AATF: variants seen among roughly 807,000 people sequenced by gnomAD.
The protein encoded by AATF is apoptosis antagonizing transcription factor, also known as protein AATF.
Under a neutral mutation model 63.7 loss-of-function variants are expected in AATF, and 48 were observed. That is an observed-to-expected ratio of 0.75 (90% CI 0.60 to 0.96). The LOEUF is 0.96. Ranked by LOEUF, AATF falls within the 40% of genes least tolerant of loss-of-function variation. The probability of loss-of-function intolerance (pLI) is 0.00; values close to 1 mark genes in which losing one functional copy is unlikely to be tolerated. For synonymous variants in AATF, 258 were observed against 247.7 expected (o/e 1.04, Z -0.39); for missense variants, 639 against 685.7 (o/e 0.93, Z 0.76).
chr17:36,981,715 T>C (rs1231284632), intron 4 of AATF, among the ~76,000 whole-genome samples: 1 of 148,868 alleles, frequency 6.7e-6, no homozygotes, highest in Non-Finnish European at 1.5e-5. Context: ...TTTTTTTTTT[T>C]TTTTGACAGT....
chr17:36,994,406 T>C (rs1463082328), intron 8 of AATF, among the ~76,000 whole-genome samples: 1 of 152,232 alleles, frequency 6.6e-6, no homozygotes, highest in Non-Finnish European at 1.5e-5. Flanking sequence ...ACTTAAACAA[T>C]TCTAATGAAA....
At chr17:36,996,068 A>G (rs898291423) in intron 8 of AATF, among the ~76,000 whole-genome samples, 1 of 152,232 alleles carries the variant, frequency 6.6e-6, no homozygotes, top group Non-Finnish European at 1.5e-5. Flanking sequence ...GTTTCTTAAA[A>G]GTTTGATGAA....
At chr17:36,963,862 C>T (rs888283679) in intron 4 of AATF, among the ~76,000 whole-genome samples, 3 of 152,064 alleles carry the variant, frequency 2.0e-5, no homozygotes, top group Admixed American at 6.6e-5. Flanking sequence ...GGCTTACAGG[C>T]TTGACTGGAA....
At chr17:37,002,810 C>T (rs775801991) in intron 8 of AATF, among the ~76,000 whole-genome samples, 3 of 151,768 alleles carry the variant, frequency 2.0e-5, no homozygotes, top group Non-Finnish European at 4.4e-5. Context: ...TGTCCCATGT[C>T]CATGGATTAG....
At chr17:37,045,420 C>G (rs1207662883) in intron 11 of AATF, 1 of 152,292 alleles carries the variant, frequency 6.6e-6, no homozygotes, top group Admixed American at 6.5e-5. Context: ...AGTAGCTGAC[C>G]TGCAGCAGCA....
At chr17:37,024,941 A>G (rs2071500022) in intron 10 of AATF, among the ~76,000 whole-genome samples, 1 of 152,154 alleles carries the variant, frequency 6.6e-6, no homozygotes, top group African/African-American at 2.4e-5. Context: ...CCTGAGTCAC[A>G]GAGCGAGACC....
At chr17:37,052,082 A>G (rs1331851743) in intron 11 of AATF, among the ~76,000 whole-genome samples, 1 of 152,140 alleles carries the variant, frequency 6.6e-6, no homozygotes, top group African/African-American at 2.4e-5. Context: ...CATTGTCTAC[A>G]GTGGACACTC....
intron 11 of AATF, among the ~76,000 whole-genome samples, chr17:37,042,737 CTTT>C (rs556843023): frequency 7.3e-6 from 1 of 137,370 alleles, no homozygotes. Context: ...TTTTTTCTTT[CTTT>C]TTTTTTTTTT....
At position 36,949,200 on chromosome 17, in the gene AATF, A is replaced by G. The variant is rs752218345; in HGVS notation, c.75A>G (p.Glu25=). 39 of 1,592,634 alleles carry G rather than the reference A, an allele frequency of 2.4e-5. No homozygotes were observed. The highest frequency in any genetic ancestry group is 3.1e-5 in the Non-Finnish European group (36 of 1,171,366). The part of the protein sequence containing the change: ...LNPRPSEADP[E]ADPEEATAAR... ...CGCGACCAAGCGAGGCGGACCCTGA[A>G]GCGGACCCCGAGGAAGGTGAGGCCG... is the stretch of plus-strand genomic sequence containing the variant. Residue 25 remains glutamate (E), a synonymous_variant, in exon 1 of 12, where the codon GAA becomes GAG. Coordinates refer to ENST00000619387, the MANE Select transcript of AATF (RefSeq NM_012138.4).
intron 8 of AATF, among the ~76,000 whole-genome samples, chr17:37,008,965 TGG>T (rs1179668994): frequency 6.6e-6 from 1 of 152,206 alleles, no homozygotes; most frequent in African/African-American, 2.4e-5. Context: ...TTAAGGTTTG[TGG>T]GGAGTATAGA....
intron 10 of AATF, among the ~76,000 whole-genome samples, chr17:37,025,284 A>G (rs77918444): frequency 0.017 from 2,531 of 152,330 alleles, 82 homozygotes; most frequent in African/African-American, 0.057. Context: ...CACAACCTTC[A>G]GAAATCCAAG....
In AATF at chr17:36,949,164, G is replaced by T. The variant is rs773184571; in HGVS notation, c.39G>T (p.Gln13His). ...GPQPLALQLE[Q>H]LLNPRPSEAD... ...AGCCCCTGGCGCTGCAACTGGAACAGTTGTTGAACCCGCGACCAAGCGAGG... is the reference window on the plus strand; with the variant it reads ...AGCCCCTGGCGCTGCAACTGGAACATTTGTTGAACCCGCGACCAAGCGAGG... Residue 13 changes from glutamine to histidine, a missense_variant, in exon 1 of 12, where the codon CAG becomes CAT. Coordinates refer to ENST00000619387, the MANE Select transcript of AATF (RefSeq NM_012138.4). 1 of 1,592,238 alleles carries T rather than the reference G, an allele frequency of 6.3e-7. No individual in the cohort carries two copies. Among genetic ancestry groups the T allele is most frequent in the Admixed American group, 1.8e-5 (1 of 56,012 alleles).
chr17:37,035,252 T>C (rs938461940), intron 11 of AATF, among the ~76,000 whole-genome samples: 1 of 151,876 alleles, frequency 6.6e-6, no homozygotes, highest in African/African-American at 2.4e-5. Context: ...AGAGTTTTGC[T>C]CTGTCACCCA....
chr17:37,052,083 G>A (rs1229615687), intron 11 of AATF, among the ~76,000 whole-genome samples: 5 of 152,204 alleles, frequency 3.3e-5, no homozygotes, highest in Non-Finnish European at 7.3e-5. Context: ...ATTGTCTACA[G>A]TGGACACTCC....
chr17:36,990,499 G>GGA (rs1368717521), intron 7 of AATF, among the ~76,000 whole-genome samples: 2 of 152,110 alleles, frequency 1.3e-5, no homozygotes, highest in Non-Finnish European at 2.9e-5. Flanking sequence ...CAGTCGTAGA[G>GGA]GTGAAAAATG....
chr17:36,960,031 C>T lies in AATF; in HGVS notation c.832+6124C>T, dbSNP rs941741884. Among the ~76,000 whole-genome samples the T allele has an allele frequency of 9.9e-5, 15 of 151,624 alleles. No individual in the cohort carries two copies. In the South Asian group the frequency reaches 1.7e-3, roughly 17 times the overall value. ...CTAGACTAAAATTTTTTTCCCCCCC[C>T]GAGATGGAGTCTTGCTCTGTCGCCG... On this transcript the variant is annotated intron_variant, in intron 4 of 11. Transcript: ENST00000619387.
At chr17:37,007,136 T>G (rs1278822185) in intron 8 of AATF, among the ~76,000 whole-genome samples, 1 of 152,180 alleles carries the variant, frequency 6.6e-6, no homozygotes, top group African/African-American at 2.4e-5. Flanking sequence ...GGTGGCTGCT[T>G]TTCATGCTTG....
intron 4 of AATF, among the ~76,000 whole-genome samples, chr17:36,965,891 A>G (rs891142725): frequency 6.6e-6 from 1 of 151,744 alleles, no homozygotes; most frequent in Non-Finnish European, 1.5e-5. Flanking sequence ...TCTTTTTTAT[A>G]GAGATGGGGT....
chr17:37,038,074 G>A (rs1450817329), intron 11 of AATF, among the ~76,000 whole-genome samples: 1 of 152,162 alleles, frequency 6.6e-6, no homozygotes, highest in African/African-American at 2.4e-5. Context: ...TAAACCTCCT[G>A]TCTCAATAAA....
Sources: allele counts gnomAD v4.1 joint callset (sites outside exome capture counted in the v4.1 genomes callset), GRCh38; gene constraint gnomAD v4.1.1; transcripts MANE v1.5; gene names NCBI Gene and HGNC (gene_info 2026-07-23, HGNC 2026-07-21).